Variants in HDAC4 observed in about 807,000 individuals in gnomAD.
HDAC4 encodes histone deacetylase 4.
Under a neutral mutation model 135.1 loss-of-function variants are expected in HDAC4, and 16 were observed. That is an observed-to-expected ratio of 0.12 (90% CI 0.08 to 0.18). The LOEUF (loss-of-function observed/expected upper bound fraction) is 0.18, where lower values mean the gene tolerates loss of function less well. Ranked by LOEUF, HDAC4 falls within the 10% of genes least tolerant of loss-of-function variation. The pLI, the probability that HDAC4 is intolerant of heterozygous loss-of-function variation, is 1.00. For synonymous variants in HDAC4, 685 were observed against 653.4 expected, an observed-to-expected ratio of 1.05 and a Z score of -0.74; for missense variants, 1,143 against 1,511.8, an observed-to-expected ratio of 0.76 and a Z score of 4.05.
chr2:239,085,801 AAC>A (rs1158045733), intron 19 of HDAC4: 8 of 149,608 alleles, frequency 5.3e-5, no homozygotes, highest in Admixed American at 4.0e-4. Context: ...ACTCTGCTCT[AAC>A]ACGCGGATCT....
At chr2:239,398,061 C>G (rs1055049743) in intron 1 of HDAC4, among the ~76,000 whole-genome samples, 1 of 114,320 alleles carries the variant, frequency 8.7e-6, no homozygotes, top group African/African-American at 3.5e-5. Context: ...CCCCTTCGCC[C>G]TTCAGTTCCC....
intron 1 of HDAC4, among the ~76,000 whole-genome samples, chr2:239,376,855 G>A (rs1695047360): frequency 6.6e-6 from 1 of 152,106 alleles, no homozygotes; most frequent in South Asian, 2.1e-4. Flanking sequence ...AGCACAAAAT[G>A]TTTCTGACAC....
intron 2 of HDAC4, among the ~76,000 whole-genome samples, chr2:239,264,879 A>G (rs1239173196): frequency 1.3e-5 from 2 of 152,184 alleles, no homozygotes; most frequent in Non-Finnish European, 2.9e-5. Flanking sequence ...GAAGGCCCCC[A>G]TATGCTGCTG....
rs115464305 is a variant in HDAC4, at chr2:239,124,529, G to A, written c.1533+1927C>T. On this transcript the variant is annotated intron_variant, in intron 12 of 26. Coordinates refer to ENST00000543185, the MANE Select transcript of HDAC4 (RefSeq NM_001378414.1). ...ACGTTATATGACATTCCGGCGTGCCGGCGTGTGGCCGTGCGTCATTCCACG... is the reference window on the plus strand; with the variant it reads ...ACGTTATATGACATTCCGGCGTGCCAGCGTGTGGCCGTGCGTCATTCCACG... Among the ~76,000 whole-genome samples, 453 of 151,184 alleles carry A rather than the reference G, an allele frequency of 3.0e-3. 4 individuals are homozygous for A. Among genetic ancestry groups the A allele is most frequent in the Middle Eastern group, 0.022 (6 of 278 alleles).
intron 2 of HDAC4, among the ~76,000 whole-genome samples, chr2:239,327,141 G>C (rs992442316): frequency 1.3e-5 from 2 of 152,244 alleles, no homozygotes; most frequent in Non-Finnish European, 2.9e-5. Context: ...ACAAGAGCCT[G>C]GGGTCAGAAG....
chr2:239,374,381 C>G (rs1381025672), intron 1 of HDAC4, among the ~76,000 whole-genome samples: 1 of 113,754 alleles, frequency 8.8e-6, no homozygotes, highest in East Asian at 2.5e-4. Context: ...GAATAGAAAA[C>G]AAGGCTTTTT....
chr2:239,107,578 G>A (rs1389741849), intron 15 of HDAC4, among the ~76,000 whole-genome samples: 2 of 152,300 alleles, frequency 1.3e-5, no homozygotes, highest in African/African-American at 2.4e-5. Context: ...CTGTGTTCTC[G>A]AAGAAGCTTT....
At position 239,166,530 on chromosome 2, in the gene HDAC4, C is replaced by T. The variant is rs1233628846; in HGVS notation, c.491-2607G>A. Among the ~76,000 whole-genome samples, 8 of 152,122 alleles carry T rather than the reference C, an allele frequency of 5.3e-5. No individual in the cohort carries two copies. The South Asian group carries it at 1.2e-3, about 24-fold the overall frequency. ...AGGGATGCTTTTTCAGGGCACCCGG[C>T]GTTAGACTCGAACATCACTTAGAAG... On this transcript the variant is annotated intron_variant, in intron 5 of 26. Transcript: ENST00000543185.
In HDAC4 at chr2:239,076,706, T is replaced by C. The variant is rs140082730; in HGVS notation, c.2750+4389A>G. 2.0e-4 allele frequency among the ~76,000 whole-genome samples: 30 copies of C among 152,282 alleles called. No individual in the cohort carries two copies. The East Asian group carries it at 5.6e-3, about 29-fold the overall frequency. ...CCCCAATAAATGCCCTGGGGCATCG[T>C]CCACACAAACTGGCTCCTCACTGGC... On this transcript the variant is annotated intron_variant, in intron 22 of 26. Coordinates refer to ENST00000543185, the MANE Select transcript of HDAC4 (RefSeq NM_001378414.1).
chr2:239,141,396 G>T lies in HDAC4; in HGVS notation c.866-1600C>A, dbSNP rs538327920. Among the ~76,000 whole-genome samples the T allele has an allele frequency of 9.9e-5, 15 of 152,266 alleles. No individual in the cohort carries two copies. Among genetic ancestry groups the T allele is most frequent in the African/African-American group, 3.4e-4 (14 of 41,552 alleles). On this transcript the variant is annotated intron_variant, in intron 8 of 26. Transcript: ENST00000543185. The surrounding 1 kb of genome is among the most constrained non-coding windows in gnomAD (Gnocchi z 4.9). ...GGCATTGAGCATGAATACAGGACTG[G>T]GTCCCGACCCTACCCCATCCTCTTT...
At chr2:239,180,236 C>A (rs2044058848) in intron 4 of HDAC4, among the ~76,000 whole-genome samples, 1 of 152,152 alleles carries the variant, frequency 6.6e-6, no homozygotes, top group Non-Finnish European at 1.5e-5. Context: ...CCAGCACACA[C>A]ACCTTTCCAA....
In HDAC4 at chr2:239,189,781, A is replaced by T. The variant is rs531993; in HGVS notation, c.339+52T>A. On this transcript the variant is annotated intron_variant, in intron 4 of 26. Transcript: ENST00000543185. ...CGGAGGCAGGGCTGGAGTCACCGGG[A>T]GTTGAGGGTGCCGGAGGCCTGGCCC... The T allele has an allele frequency of 0.62, 948,383 of 1,536,340 alleles. 296,596 individuals carry two copies. The highest frequency in any genetic ancestry group is 0.75 in the South Asian group (66,070 of 87,778).
chr2:239,159,440 G>A (rs1235523935), intron 6 of HDAC4, among the ~76,000 whole-genome samples: 5 of 56,462 alleles, frequency 8.9e-5, no homozygotes, highest in Admixed American at 2.2e-4. Flanking sequence ...CCTACCTCCC[G>A]CACTCACACC....
chr2:239,117,128 G>GT (rs1163274661), intron 12 of HDAC4, among the ~76,000 whole-genome samples: 2 of 152,240 alleles, frequency 1.3e-5, no homozygotes, highest in African/African-American at 4.8e-5. Flanking sequence ...GGAACAGGGT[G>GT]TATGGCTGAC....
chr2:239,121,977 G>A (rs2039735551), intron 12 of HDAC4, among the ~76,000 whole-genome samples: 1 of 152,244 alleles, frequency 6.6e-6, no homozygotes, highest in African/African-American at 2.4e-5. Flanking sequence ...GCAGCCCGAA[G>A]GCCTTGGGGA....
In HDAC4 at chr2:239,139,843, A is replaced by C. The variant is rs1559499757; in HGVS notation, c.866-47T>G. On this transcript the variant is annotated intron_variant, in intron 8 of 26. Coordinates refer to ENST00000543185, the MANE Select transcript of HDAC4 (RefSeq NM_001378414.1). The surrounding 1 kb of genome is among the most constrained non-coding windows in gnomAD (Gnocchi z 5.3). The stretch of plus-strand genomic sequence containing the variant: ...GGTGAGTGTTACTCCATGCGGAGGG[A>C]GGGCCGTGCTGACCTGTGGCCCGAA... The C allele has an allele frequency of 6.5e-7, 1 of 1,544,284 alleles. No homozygotes were observed. Among genetic ancestry groups the C allele is most frequent in the African/African-American group, 1.4e-5 (1 of 73,692 alleles).
At chr2:239,377,272 G>A (rs1383438883) in intron 1 of HDAC4, among the ~76,000 whole-genome samples, 2 of 152,182 alleles carry the variant, frequency 1.3e-5, no homozygotes, top group African/African-American at 4.8e-5. Context: ...TCCACTAACC[G>A]AAGCCACTGC....
intron 23 of HDAC4, 150 bp from the exon 24 acceptor site, chr2:239,067,005 A>G: frequency 1.1e-6 from 1 of 899,942 alleles, no homozygotes; most frequent in Non-Finnish European, 1.8e-6. Context: ...AAATTCGCTG[A>G]AGAGTTTCGG....
rs768203261 is a variant in HDAC4, at chr2:239,135,506, T to C, written c.979-863A>G. 2.6e-5 allele frequency among the ~76,000 whole-genome samples: 4 copies of C among 152,324 alleles called. 1 individual carries two copies. The highest frequency in any genetic ancestry group is 4.1e-4 in the South Asian group (2 of 4,832). On this transcript the variant is annotated intron_variant, in intron 9 of 26. Transcript: ENST00000543185. ...CAAATTGGCAAACACTTTTGAAACATGGTAATACCATCTTGGCCTAGAGGA... is the reference window on the plus strand; with the variant it reads ...CAAATTGGCAAACACTTTTGAAACACGGTAATACCATCTTGGCCTAGAGGA...
Sources: allele counts gnomAD v4.1 joint callset (sites outside exome capture counted in the v4.1 genomes callset), GRCh38; gene constraint gnomAD v4.1.1; non-coding constraint Gnocchi (gnomAD v3.1); transcripts MANE v1.5; gene names NCBI Gene and HGNC (gene_info 2026-07-23, HGNC 2026-07-21).